The following AGBL4 variants were observed in gnomAD, a reference collection of about 807,000 sequenced individuals.
AGBL4 encodes the protein AGBL carboxypeptidase 4, also known as cytosolic carboxypeptidase 6.
AGBL4 carries 58 observed loss-of-function variants against 66.4 expected under a neutral mutation model. The observed-to-expected ratio is 0.87, with a 90% CI of 0.71 to 1.09. AGBL4 has a LOEUF of 1.09. AGBL4 is among the 50% of genes least tolerant of loss of function. The probability of loss-of-function intolerance (pLI) is 0.00; values close to 1 mark genes in which losing one functional copy is unlikely to be tolerated. For missense variants in AGBL4, 579 were observed against 631.0 expected, an observed-to-expected ratio of 0.92 and a Z score of 0.88; for synonymous variants, 234 against 222.9, an observed-to-expected ratio of 1.05 and a Z score of -0.44.
At chr1:49,645,623 A>G (rs1314692451) in intron 3 of AGBL4, among the ~76,000 whole-genome samples, 1 of 151,440 alleles carries the variant, frequency 6.6e-6, no homozygotes, top group Non-Finnish European at 1.5e-5. Context: ...TTTAAGAAAA[A>G]AGTTAGTATC....
Position 49,080,099 on chromosome 1 carries a change from G to C in AGBL4, c.378-34299C>G, listed in dbSNP as rs60028758. Reference sequence around the variant, plus strand: ...AAAGTCTAGAGAGATGATAGGACTTGCCTAAATCTTAATTTGAACAGAGGA... The same window carrying C: ...AAAGTCTAGAGAGATGATAGGACTTCCCTAAATCTTAATTTGAACAGAGGA... On this transcript the variant is annotated intron_variant, in intron 4 of 13. Coordinates refer to ENST00000371839, the MANE Select transcript of AGBL4 (RefSeq NM_032785.4). Among the ~76,000 whole-genome samples the C allele has an allele frequency of 2.4e-3, 366 of 152,266 alleles. 2 individuals are homozygous for C. The highest frequency in any genetic ancestry group is 8.5e-3 in the African/African-American group (353 of 41,556).
intron 1 of AGBL4, among the ~76,000 whole-genome samples, chr1:49,927,171 G>A (rs1652861337): frequency 6.6e-6 from 1 of 152,136 alleles, no homozygotes; most frequent in Non-Finnish European, 1.5e-5. Flanking sequence ...CAACTCAAAT[G>A]TTAATCTCCT....
At chr1:49,648,605 A>G (rs1374079333) in intron 3 of AGBL4, among the ~76,000 whole-genome samples, 1 of 152,126 alleles carries the variant, frequency 6.6e-6, no homozygotes, top group Non-Finnish European at 1.5e-5. Flanking sequence ...AGAAAAATCC[A>G]AAAAGAATAC....
intron 1 of AGBL4, among the ~76,000 whole-genome samples, chr1:49,883,722 CAG>C (rs1480973216): frequency 6.6e-6 from 1 of 151,828 alleles, no homozygotes; most frequent in Non-Finnish European, 1.5e-5. Flanking sequence ...AAAGAACAAA[CAG>C]ATATTTACAT....
At chr1:48,811,710 C>G (rs1311234233) in intron 6 of AGBL4, among the ~76,000 whole-genome samples, 3 of 151,630 alleles carry the variant, frequency 2.0e-5, no homozygotes, top group African/African-American at 4.8e-5. Context: ...TTGCCCAACT[C>G]TGGTTTCTGT....
chr1:48,761,094 C>A (rs1357761343), intron 6 of AGBL4: 7 of 455,386 alleles, frequency 1.5e-5, no homozygotes, highest in Non-Finnish European at 2.4e-5. Context: ...AGCGATGACA[C>A]TGCACAGACT....
chr1:49,014,396 C>T (rs1308816926), intron 5 of AGBL4, among the ~76,000 whole-genome samples: 1 of 152,190 alleles, frequency 6.6e-6, no homozygotes, highest in Non-Finnish European at 1.5e-5. Flanking sequence ...CTTTGGCTTC[C>T]AATTCTAGCT....
chr1:49,502,425 G>T (rs1648253018), intron 3 of AGBL4, among the ~76,000 whole-genome samples: 1 of 152,080 alleles, frequency 6.6e-6, no homozygotes. Context: ...CAGAAGTGGG[G>T]TGCTGCTGTA....
chr1:49,329,152 C>CA, intron 3 of AGBL4, among the ~76,000 whole-genome samples: 1 of 150,474 alleles, frequency 6.6e-6, no homozygotes, highest in East Asian at 2.0e-4. Flanking sequence ...ACTAAATATA[C>CA]AAAAATTAGC....
intron 3 of AGBL4, among the ~76,000 whole-genome samples, chr1:49,454,663 A>AGTACT (rs1479239484): frequency 3.3e-5 from 5 of 151,678 alleles, no homozygotes; most frequent in Non-Finnish European, 7.4e-5. Context: ...CAATTCATTA[A>AGTACT]GTACTTAAGG....
At chr1:49,509,047 A>G (rs1331417797) in intron 3 of AGBL4, among the ~76,000 whole-genome samples, 1 of 151,844 alleles carries the variant, frequency 6.6e-6, no homozygotes, top group Non-Finnish European at 1.5e-5. Flanking sequence ...TGATATTATA[A>G]TACATACCTG....
chr1:49,282,168 G>T (rs769922047), intron 3 of AGBL4, among the ~76,000 whole-genome samples: 1 of 152,140 alleles, frequency 6.6e-6, no homozygotes, highest in Non-Finnish European at 1.5e-5. Flanking sequence ...GACATATGTT[G>T]GTTACCAGAG....
intron 2 of AGBL4, among the ~76,000 whole-genome samples, chr1:49,812,631 T>C (rs1645126809): frequency 6.6e-6 from 1 of 152,170 alleles, no homozygotes; most frequent in African/African-American, 2.4e-5. Context: ...GACTAGCTGG[T>C]CATTCTAGAA....
intron 6 of AGBL4, among the ~76,000 whole-genome samples, chr1:48,721,486 G>A (rs1553213686): frequency 6.6e-6 from 1 of 152,186 alleles, no homozygotes; most frequent in Non-Finnish European, 1.5e-5. Context: ...GGCCGGTGGG[G>A]TCCAGTGTGA....
intron 1 of AGBL4, among the ~76,000 whole-genome samples, chr1:49,933,842 G>C (rs1018258806): frequency 1.3e-5 from 2 of 152,044 alleles, no homozygotes; most frequent in South Asian, 2.1e-4. Context: ...CACAAAGGGA[G>C]ATAGCAAGTG....
intron 3 of AGBL4, among the ~76,000 whole-genome samples, chr1:49,646,490 G>A (rs1645890439): frequency 6.6e-6 from 1 of 151,772 alleles, no homozygotes; most frequent in Admixed American, 6.6e-5. Flanking sequence ...ATATGTATAA[G>A]ACCTATAAAT....
At chr1:48,901,527 C>T (rs1349415963) in intron 5 of AGBL4, among the ~76,000 whole-genome samples, 1 of 152,076 alleles carries the variant, frequency 6.6e-6, no homozygotes, top group African/African-American at 2.4e-5. Context: ...CAATAAAATA[C>T]TACTCGACAA....
intron 1 of AGBL4, among the ~76,000 whole-genome samples, chr1:50,018,766 A>G (rs1225925440): frequency 3.3e-5 from 5 of 152,168 alleles, no homozygotes; most frequent in Non-Finnish European, 7.4e-5. Flanking sequence ...AAACAAGCAC[A>G]TAAACTTTCT....
chr1:49,487,048 T>G (rs1006020272), intron 3 of AGBL4, among the ~76,000 whole-genome samples: 1 of 151,894 alleles, frequency 6.6e-6, no homozygotes, highest in Non-Finnish European at 1.5e-5. Context: ...GCATAGTACC[T>G]CTCAAAACAG....
Sources: gnomAD v4.1 joint callset for allele counts (sites outside exome capture counted in the v4.1 genomes callset) on GRCh38, gnomAD v4.1.1 for gene constraint, MANE v1.5 for transcripts, NCBI Gene and HGNC (gene_info 2026-07-23, HGNC 2026-07-21) for gene names.